ZBBX: variants seen among roughly 807,000 people sequenced by gnomAD.
The protein encoded by ZBBX is zinc finger B-box domain-containing protein 1.
A neutral mutation model predicts 108.5 loss-of-function variants in ZBBX; 101 were observed. That is an observed-to-expected ratio of 0.93 (90% CI 0.79 to 1.10). The LOEUF (loss-of-function observed/expected upper bound fraction) is 1.10. Among genes scored for constraint, ZBBX ranks in the 50% least tolerant of loss-of-function variants. The pLI, the probability that ZBBX is intolerant of heterozygous loss-of-function variation, is 0.00. For synonymous variants in ZBBX, 356 were observed against 323.4 expected (o/e 1.10, Z -1.08); for missense variants, 1,009 against 941.4 (o/e 1.07, Z -0.94).
chr3:167,295,759 A>AT (rs1560086259), intron 18 of ZBBX, among the ~76,000 whole-genome samples: 398 of 2,058 alleles, frequency 0.19, 62 homozygotes, highest in East Asian at 0.26. Context: ...ATATATATAT[A>AT]AAAAAAACTA....
At chr3:167,276,460 G>C (rs775176543) in intron 20 of ZBBX, among the ~76,000 whole-genome samples, 1 of 152,164 alleles carries the variant, frequency 6.6e-6, no homozygotes, top group Non-Finnish European at 1.5e-5. Context: ...GAAGCCTCAG[G>C]AGCCGATGCA....
chr3:167,380,312 T>A (rs1448230485), upstream of ZBBX: 2 of 152,192 alleles, frequency 1.3e-5, no homozygotes, highest in African/African-American at 4.8e-5. Flanking sequence ...GGAGTTTCCG[T>A]CTTGGTCTCC....
At chr3:167,190,420 G>C in the ZBBX span, among the ~76,000 whole-genome samples, 1 of 124,434 alleles carries the variant, frequency 8.0e-6, no homozygotes, top group Admixed American at 1.0e-4. Context: ...TCTCTCTGTC[G>C]CCCAGGCTGG....
chr3:167,269,214 G>A (rs752236071), intron 20 of ZBBX, among the ~76,000 whole-genome samples: 109 of 152,234 alleles, frequency 7.2e-4, no homozygotes, highest in Middle Eastern at 3.4e-3. Context: ...CTTTCTAGTC[G>A]ATTCAGGGGC....
chr3:167,259,278 T>C (rs1311595974), intron 20 of ZBBX, among the ~76,000 whole-genome samples: 1 of 152,238 alleles, frequency 6.6e-6, no homozygotes, highest in African/African-American at 2.4e-5. Context: ...CTTAGCAGCC[T>C]TGAATGATCT....
intron 20 of ZBBX, among the ~76,000 whole-genome samples, chr3:167,262,650 T>C (rs78873169): frequency 0.017 from 2,629 of 152,256 alleles, 75 homozygotes; most frequent in African/African-American, 0.06. Context: ...CTCATTGTTA[T>C]TGGTATGTTC....
intron 20 of ZBBX, among the ~76,000 whole-genome samples, chr3:167,259,006 T>G (rs555888549): frequency 6.6e-6 from 1 of 152,174 alleles, no homozygotes; most frequent in Non-Finnish European, 1.5e-5. Flanking sequence ...TAGAGAGGGT[T>G]GCTTCTTTCT....
chr3:167,346,576 A>C (rs1041002424), intron 9 of ZBBX, among the ~76,000 whole-genome samples: 1 of 151,962 alleles, frequency 6.6e-6, no homozygotes, highest in Admixed American at 6.6e-5. Flanking sequence ...AATCACCGTC[A>C]GCCTAGAATA....
the ZBBX span, among the ~76,000 whole-genome samples, chr3:167,204,289 G>T: frequency 8.8e-6 from 1 of 113,696 alleles, no homozygotes; most frequent in Non-Finnish European, 1.7e-5. Flanking sequence ...TGTGCACATT[G>T]TGCAGGTTAG....
Position 167,328,078 on chromosome 3 carries a change from T to C in ZBBX, c.726A>G (p.Lys242=). The change falls in exon 11 of 22, where the codon AAA becomes AAG. Residue 242 remains lysine (K), a synonymous_variant. Coordinates refer to ENST00000675490, the MANE Select transcript of ZBBX (RefSeq NM_001199201.2). ...CTTCACACAACAGACTCTTTCTTGG[T>C]TTTGTACGTTGTGCTCTTTTCATCG... ...ITTMKRAQRT[K]PRKSLLCEGS... 6.2e-7 allele frequency: 1 copy of C among 1,613,856 alleles called. No homozygotes were observed.
intron 16 of ZBBX, among the ~76,000 whole-genome samples, chr3:167,310,645 A>C (rs1268992308): frequency 2.6e-5 from 4 of 152,104 alleles, no homozygotes; most frequent in Non-Finnish European, 4.4e-5. Context: ...GGACTCACTC[A>C]CTATCATGAG....
chr3:167,348,255 G>GA (rs1439901704), intron 9 of ZBBX, among the ~76,000 whole-genome samples: 7 of 114,354 alleles, frequency 6.1e-5, no homozygotes, highest in Non-Finnish European at 9.2e-5. Context: ...GGGAGGGAGG[G>GA]TGGAAGGGAA....
At chr3:167,356,367 A>G (rs1442815205) in intron 8 of ZBBX, among the ~76,000 whole-genome samples, 1 of 152,072 alleles carries the variant, frequency 6.6e-6, no homozygotes, top group Admixed American at 6.6e-5. Context: ...TAATATTGTT[A>G]TTAGCTCTTT....
At position 167,359,967 on chromosome 3, in the gene ZBBX, G is replaced by T; in HGVS notation, c.335C>A (p.Pro112Gln). The T allele has an allele frequency of 6.3e-7, 1 of 1,577,990 alleles. No individual in the cohort carries two copies. The highest frequency in any genetic ancestry group is 8.6e-7 in the Non-Finnish European group (1 of 1,157,654). The change falls in exon 8 of 22, where the codon CCA becomes CAA. Residue 112 changes from proline to glutamine, a missense_variant. Physicochemically the swap from Pro to Gln is moderately conservative, Grantham distance 76 (BLOSUM62 -1). Coordinates refer to ENST00000675490, the MANE Select transcript of ZBBX (RefSeq NM_001199201.2). ...ATTTGCCATTTTATAATTAACTGTTGGTTTCACTGGCTCTGCAAGATAAAA... is the reference window on the plus strand; with the variant it reads ...ATTTGCCATTTTATAATTAACTGTTTGTTTCACTGGCTCTGCAAGATAAAA... ...LKEQIQEPVK[P>Q]TVNYKMANSS... is the part of the protein sequence containing the mutation.
intron 1 of ZBBX, among the ~76,000 whole-genome samples, chr3:167,390,004 A>C (rs1053990749): frequency 6.6e-6 from 1 of 151,932 alleles, no homozygotes; most frequent in African/African-American, 2.4e-5. Context: ...TTTTGTTGCT[A>C]TTCCTTTTTG....
the ZBBX span, among the ~76,000 whole-genome samples, chr3:167,217,993 T>C: frequency 6.6e-6 from 1 of 151,626 alleles, no homozygotes. Flanking sequence ...TCTGCCCACC[T>C]TGGCCTCCCA....
intron 20 of ZBBX, among the ~76,000 whole-genome samples, chr3:167,254,053 T>C (rs757843383): frequency 2.0e-5 from 3 of 152,132 alleles, no homozygotes; most frequent in Admixed American, 6.6e-5. Flanking sequence ...CAAACATCAA[T>C]GGGGTAGTTT....
intron 20 of ZBBX, among the ~76,000 whole-genome samples, chr3:167,271,726 C>T (rs1336820713): frequency 6.6e-6 from 1 of 152,144 alleles, no homozygotes; most frequent in South Asian, 2.1e-4. Flanking sequence ...AAGAAATCTC[C>T]CTTGGTGGGG....
chr3:167,247,459 C>T (rs1437821906), intron 20 of ZBBX, among the ~76,000 whole-genome samples: 1 of 152,154 alleles, frequency 6.6e-6, no homozygotes, highest in African/African-American at 2.4e-5. Context: ...CACTCATTCT[C>T]AAAGACCACG....
Sources: allele counts gnomAD v4.1 joint callset (sites outside exome capture counted in the v4.1 genomes callset), GRCh38; gene constraint gnomAD v4.1.1; transcripts MANE v1.5; gene names NCBI Gene and HGNC (gene_info 2026-07-23, HGNC 2026-07-21).